Variants in MITF observed in about 807,000 individuals in gnomAD.
MITF encodes the protein microphthalmia-associated transcription factor.
MITF carries 17 observed loss-of-function variants against 60.5 expected under a neutral mutation model. The observed-to-expected ratio is 0.28, with a 90% CI of 0.19 to 0.42. The LOEUF (loss-of-function observed/expected upper bound fraction) is 0.42. MITF is among the 10% of genes least tolerant of loss of function. The probability of loss-of-function intolerance (pLI) is 1.00; values close to 1 mark genes in which losing one functional copy is unlikely to be tolerated. For synonymous variants in MITF, 260 were observed against 248.5 expected (o/e 1.05, Z -0.43); for missense variants, 622 against 683.5 (o/e 0.91, Z 1.00).
intron 1 of MITF, among the ~76,000 whole-genome samples, chr3:69,747,297 G>A (rs1411706095): frequency 6.6e-6 from 1 of 152,234 alleles, no homozygotes; most frequent in Non-Finnish European, 1.5e-5. Flanking sequence ...GGTAGAATGG[G>A]CCTATGAAAG....
intron 1 of MITF, among the ~76,000 whole-genome samples, chr3:69,829,596 G>A (rs9826548): frequency 0.35 from 52,603 of 151,872 alleles, 10,043 homozygotes; most frequent in Non-Finnish European, 0.43. Context: ...TAAAAAAACA[G>A]TTCTTGATTT....
chr3:69,873,682 G>T (rs951603706), intron 1 of MITF, among the ~76,000 whole-genome samples: 1 of 152,172 alleles, frequency 6.6e-6, no homozygotes, highest in African/African-American at 2.4e-5. Context: ...GCTGATTGGA[G>T]GTGAGAAATG....
chr3:69,927,963 A>G (rs371364438), intron 2 of MITF, among the ~76,000 whole-genome samples: 2 of 152,258 alleles, frequency 1.3e-5, no homozygotes, highest in African/African-American at 4.8e-5. Context: ...AACTTTATCT[A>G]TAAAAAACAG....
chr3:69,740,923 G>A (rs1287074841), intron 1 of MITF, among the ~76,000 whole-genome samples: 1 of 152,166 alleles, frequency 6.6e-6, no homozygotes, highest in Non-Finnish European at 1.5e-5. Flanking sequence ...CTTGGCCTCT[G>A]GCGAGCACTG....
At chr3:69,924,150 A>G (rs561559668) in intron 2 of MITF, among the ~76,000 whole-genome samples, 28 of 152,336 alleles carry the variant, frequency 1.8e-4, no homozygotes, top group African/African-American at 6.5e-4. Context: ...GCTAAAACAC[A>G]CATTCCTGAT....
intron 2 of MITF, among the ~76,000 whole-genome samples, chr3:69,884,349 A>C (rs2107296124): frequency 6.6e-6 from 1 of 152,238 alleles, no homozygotes; most frequent in East Asian, 1.9e-4. Flanking sequence ...GTCACTTTTT[A>C]TCAGGTAGAC....
intron 1 of MITF, among the ~76,000 whole-genome samples, chr3:69,779,673 G>C (rs1454144725): frequency 6.6e-6 from 1 of 152,082 alleles, no homozygotes; most frequent in African/African-American, 2.4e-5. Flanking sequence ...GTCGATAGAA[G>C]TGAAATTGGG....
rs1174631787 is a variant in MITF at position 69,938,326 on chromosome 3, G to T, written c.582+277G>T. ...CTTGCTTCTTCTTCCTTAGCTGAGT[G>T]CTCTCTTCTCTTCCATGCCTTTCAG... On this transcript the variant is annotated intron_variant, in intron 3 of 9. Coordinates refer to ENST00000352241, the MANE Select transcript of MITF (RefSeq NM_001354604.2). 8 of 1,555,092 alleles carry T rather than the reference G, an allele frequency of 5.1e-6. No homozygotes were observed. The Middle Eastern group carries it at 1.3e-3, about 260-fold the overall frequency.
intron 5 of MITF, 27 bp from the exon 6 acceptor site, chr3:69,949,024 T>A (rs1380255993): frequency 6.7e-7 from 1 of 1,495,012 alleles, no homozygotes; most frequent in South Asian, 1.1e-5. Context: ...CAACAGTTAA[T>A]TTCTGTTACT....
intron 1 of MITF, among the ~76,000 whole-genome samples, chr3:69,859,947 C>T (rs998492640): frequency 2.0e-5 from 3 of 152,178 alleles, no homozygotes; most frequent in East Asian, 1.9e-4. Flanking sequence ...ACACTGATGA[C>T]GGCCTTATCT....
chr3:69,755,286 A>G (rs1704094847), intron 1 of MITF, among the ~76,000 whole-genome samples: 1 of 152,144 alleles, frequency 6.6e-6, no homozygotes, highest in Non-Finnish European at 1.5e-5. Flanking sequence ...CCTAACTGTC[A>G]TGTTTCGGCC....
At position 69,903,014 on chromosome 3, in the gene MITF, G is replaced by A. The variant is rs1412814893; in HGVS notation, c.354+23631G>A. Among the ~76,000 whole-genome samples, 7 of 152,118 alleles carry A rather than the reference G, an allele frequency of 4.6e-5. No homozygotes were observed. In the South Asian group the frequency reaches 6.2e-4, roughly 14 times the overall value. On this transcript the variant is annotated intron_variant, in intron 2 of 9. Transcript: ENST00000352241. ...TATTATTTCAATGTTGTTTGTAGAG[G>A]TTGTAAGCTATGATCTCTGAGTCTT... is the stretch of plus-strand genomic sequence containing the variant.
intron 2 of MITF, 92 bp from the exon 3 acceptor site, chr3:69,937,730 C>G: frequency 7.0e-6 from 7 of 1,006,036 alleles, no homozygotes; most frequent in Non-Finnish European, 1.1e-5. Context: ...TGTTGGTGGC[C>G]TGGTCAGTTT....
intron 1 of MITF, among the ~76,000 whole-genome samples, chr3:69,867,873 A>G (rs1048075659): frequency 3.9e-5 from 6 of 152,200 alleles, no homozygotes; most frequent in African/African-American, 1.2e-4. Flanking sequence ...TGCTTCCCTT[A>G]TACACTCTCA....
intron 1 of MITF, among the ~76,000 whole-genome samples, chr3:69,813,521 A>G (rs1246365458): frequency 1.3e-5 from 2 of 152,140 alleles, no homozygotes; most frequent in Admixed American, 1.3e-4. Context: ...AAACTGTTTC[A>G]TATTGCTTTA....
intron 1 of MITF, among the ~76,000 whole-genome samples, chr3:69,843,445 C>T (rs771395336): frequency 2.0e-5 from 3 of 152,086 alleles, no homozygotes; most frequent in African/African-American, 4.8e-5. Flanking sequence ...CCTCCACCCC[C>T]GGCAATTAGT....
At chr3:69,743,892 G>T (rs1703627891) in intron 1 of MITF, among the ~76,000 whole-genome samples, 1 of 152,176 alleles carries the variant, frequency 6.6e-6, no homozygotes, top group African/African-American at 2.4e-5. Flanking sequence ...TAGTCCTTTT[G>T]TTTGGTTTAC....
chr3:69,842,661 C>T (rs931911098), intron 1 of MITF, among the ~76,000 whole-genome samples: 2 of 152,204 alleles, frequency 1.3e-5, no homozygotes, highest in African/African-American at 4.8e-5. Flanking sequence ...GAATCACGCA[C>T]AAGCAAACCA....
chr3:69,766,301 C>T (rs2062291639), intron 1 of MITF, among the ~76,000 whole-genome samples: 1 of 151,218 alleles, frequency 6.6e-6, no homozygotes, highest in South Asian at 2.1e-4. Context: ...CCTCTGCCTC[C>T]TGGGTTCAAG....
Sources: gnomAD v4.1 joint callset for allele counts (sites outside exome capture counted in the v4.1 genomes callset) on GRCh38, gnomAD v4.1.1 for gene constraint, MANE v1.5 for transcripts, NCBI Gene and HGNC (gene_info 2026-07-23, HGNC 2026-07-21) for gene names.